Variants in NRG3 observed in about 807,000 individuals in gnomAD.
NRG3 encodes pro-neuregulin-3, membrane-bound isoform.
In NRG3, 31 loss-of-function variants were observed where a neutral mutation model predicts 66.9. The observed-to-expected ratio is 0.46, with a 90% CI of 0.35 to 0.63. The LOEUF (loss-of-function observed/expected upper bound fraction) is 0.63, where lower values mean the gene tolerates loss of function less well. Among genes scored for constraint, NRG3 ranks in the 20% least tolerant of loss-of-function variants. The pLI, the probability that NRG3 is intolerant of heterozygous loss-of-function variation, is 0.00. For missense variants in NRG3, 910 were observed against 878.9 expected (o/e 1.04, Z -0.45); for synonymous variants, 393 against 359.4 (o/e 1.09, Z -1.06).
At chr10:82,427,862 A>G (rs1476536174) in intron 2 of NRG3, among the ~76,000 whole-genome samples, 1 of 152,062 alleles carries the variant, frequency 6.6e-6, no homozygotes, top group East Asian at 1.9e-4. Context: ...AGGAGGTTTT[A>G]AAATTACTAA....
intron 3 of NRG3, among the ~76,000 whole-genome samples, chr10:82,761,877 TTC>T (rs1491131061): frequency 3.3e-5 from 5 of 151,650 alleles, no homozygotes; most frequent in Admixed American, 3.3e-4. Context: ...CCTTTTTTTC[TTC>T]TTTCTTCCTT....
chr10:82,304,292 C>T (rs2080585003), intron 1 of NRG3, among the ~76,000 whole-genome samples: 1 of 152,052 alleles, frequency 6.6e-6, no homozygotes, highest in African/African-American at 2.4e-5. Flanking sequence ...TTTGCAATTG[C>T]TGTTTCATAA....
chr10:81,959,488 G>C (rs920461120), intron 1 of NRG3, among the ~76,000 whole-genome samples: 9 of 151,932 alleles, frequency 5.9e-5, no homozygotes, highest in African/African-American at 1.9e-4. Context: ...TACTATATTT[G>C]CTGGATTGCT....
At chr10:82,292,490 A>T (rs1348373139) in intron 1 of NRG3, among the ~76,000 whole-genome samples, 1 of 152,156 alleles carries the variant, frequency 6.6e-6, no homozygotes, top group Non-Finnish European at 1.5e-5. Flanking sequence ...TTGCATATTA[A>T]CCCCTGAAAA....
rs1026900376 is a variant in NRG3, at chr10:82,081,372, CT to C, written c.823+205219del. Among the ~76,000 whole-genome samples the C allele has an allele frequency of 1.3e-3, 194 of 149,190 alleles. 1 individual carries two copies. The highest frequency in any genetic ancestry group is 4.3e-3 in the African/African-American group (176 of 40,816). On this transcript the variant is annotated intron_variant, in intron 1 of 8. Transcript: ENST00000372141. ...TACATAGACAGAAATGTTCTGTCTC[CT>C]TTTTTTTTTCCAGTTACAGGGAATG...
chr10:82,113,669 T>C (rs2067526323), intron 1 of NRG3, among the ~76,000 whole-genome samples: 1 of 152,144 alleles, frequency 6.6e-6, no homozygotes, highest in Non-Finnish European at 1.5e-5. Context: ...CTGAATAAGG[T>C]CTATAGTTTA....
intron 4 of NRG3, among the ~76,000 whole-genome samples, chr10:82,912,299 C>T (rs1845396602): frequency 6.6e-6 from 1 of 152,132 alleles, no homozygotes; most frequent in Non-Finnish European, 1.5e-5. Context: ...TGTAGTTCTT[C>T]TAGTTTTAGC....
intron 2 of NRG3, among the ~76,000 whole-genome samples, chr10:82,545,018 G>A (rs1214920720): frequency 6.6e-6 from 1 of 152,088 alleles, no homozygotes; most frequent in Non-Finnish European, 1.5e-5. Flanking sequence ...CTACTTAAGA[G>A]ATGCTGATAT....
intron 2 of NRG3, among the ~76,000 whole-genome samples, chr10:82,520,380 T>A: frequency 6.6e-6 from 1 of 151,988 alleles, no homozygotes; most frequent in African/African-American, 2.4e-5. Flanking sequence ...TGGGAGTCAC[T>A]ATCCCTGGAA....
intron 4 of NRG3, among the ~76,000 whole-genome samples, chr10:82,937,392 G>A (rs61858816): frequency 0.11 from 16,654 of 152,198 alleles, 1,240 homozygotes; most frequent in Non-Finnish European, 0.17. Context: ...TAAAATTGCC[G>A]AAAGTCAGGT....
chr10:82,692,629 A>C (rs1199268450), intron 2 of NRG3, among the ~76,000 whole-genome samples: 1 of 152,234 alleles, frequency 6.6e-6, no homozygotes, highest in Non-Finnish European at 1.5e-5. Context: ...CCTTCCCTGC[A>C]TAAGGCGTGA....
chr10:82,907,171 A>C (rs985912176), intron 4 of NRG3, among the ~76,000 whole-genome samples: 3 of 152,156 alleles, frequency 2.0e-5, no homozygotes, highest in Non-Finnish European at 4.4e-5. Flanking sequence ...TCATGCCTCT[A>C]GAGATTCTTG....
At chr10:82,333,142 C>A (rs1564805337) in intron 1 of NRG3, among the ~76,000 whole-genome samples, 1 of 152,144 alleles carries the variant, frequency 6.6e-6, no homozygotes, top group East Asian at 1.9e-4. Context: ...AGATCTACCC[C>A]TGTCTTTTTA....
intron 2 of NRG3, among the ~76,000 whole-genome samples, chr10:82,720,810 CATATATATATATATATATATAT>C (rs5786567): frequency 6.1e-5 from 7 of 114,740 alleles, no homozygotes; most frequent in African/African-American, 2.2e-4. Context: ...GTATTTTATA[CATATATATATATATATATATAT>C]ATATATATAT....
At chr10:82,091,067 T>G (rs774670375) in intron 1 of NRG3, among the ~76,000 whole-genome samples, 12 of 152,186 alleles carry the variant, frequency 7.9e-5, no homozygotes, top group Non-Finnish European at 1.8e-4. Context: ...TAGTTTGTTT[T>G]TTTTTTAATT....
intron 1 of NRG3, among the ~76,000 whole-genome samples, chr10:82,280,297 G>A (rs1241903583): frequency 6.6e-6 from 1 of 152,130 alleles, no homozygotes; most frequent in Admixed American, 6.5e-5. Flanking sequence ...AAACAGGTGG[G>A]TTCCCTTAGG....
chr10:82,963,689 TA>T (rs374737946), intron 6 of NRG3, among the ~76,000 whole-genome samples: 1 of 150,952 alleles, frequency 6.6e-6, no homozygotes, highest in African/African-American at 2.5e-5. Context: ...CAAAAAAAAA[TA>T]AAAAAGAATT....
At chr10:82,362,355 G>GTA (rs1189360727) in intron 2 of NRG3, among the ~76,000 whole-genome samples, 12 of 148,698 alleles carry the variant, frequency 8.1e-5, no homozygotes, top group African/African-American at 3.0e-4. Context: ...GTGTGTGTGT[G>GTA]TGTGTGTGTG....
chr10:82,783,585 C>G (rs2135300456), intron 3 of NRG3, among the ~76,000 whole-genome samples: 1 of 152,242 alleles, frequency 6.6e-6, no homozygotes, highest in South Asian at 2.1e-4. Flanking sequence ...AGAGCCAAAT[C>G]ATGAGTGAAC....
Sources: allele counts gnomAD v4.1 joint callset (sites outside exome capture counted in the v4.1 genomes callset), GRCh38; gene constraint gnomAD v4.1.1; transcripts MANE v1.5; gene names NCBI Gene and HGNC (gene_info 2026-07-23, HGNC 2026-07-21).